Variants in KCND2 observed in about 807,000 individuals in gnomAD.
The protein encoded by KCND2 is A-type voltage-gated potassium channel KCND2.
A neutral mutation model predicts 54.4 loss-of-function variants in KCND2; 16 were observed. The observed-to-expected ratio is 0.29, with a 90% confidence interval of 0.20 to 0.45. The LOEUF (loss-of-function observed/expected upper bound fraction) is 0.45. Ranked by LOEUF, KCND2 falls within the 20% of genes least tolerant of loss-of-function variation. The pLI is 1.00. For missense variants in KCND2, 486 were observed against 824.2 expected (o/e 0.59, Z 5.02); for synonymous variants, 317 against 310.7 (o/e 1.02, Z -0.21).
At chr7:120,306,143 TCTTAC>T (rs762662933) in intron 1 of KCND2, among the ~76,000 whole-genome samples, 31 of 152,146 alleles carry the variant, frequency 2.0e-4, no homozygotes, top group Non-Finnish European at 3.7e-4. Flanking sequence ...ATTTTGTGTC[TCTTAC>T]CTTATCATCA....
chr7:120,623,622 G>A (rs1461304946), intron 1 of KCND2, among the ~76,000 whole-genome samples: 1 of 152,048 alleles, frequency 6.6e-6, no homozygotes, highest in Non-Finnish European at 1.5e-5. Context: ...AAGTTCTATA[G>A]CACTTAGCAC....
chr7:120,274,692 G>A lies in KCND2; in HGVS notation c.60G>A (p.Met20Ile), dbSNP rs746329293. 1.4e-5 allele frequency: 22 copies of A among 1,613,968 alleles called. No individual in the cohort carries two copies. Among genetic ancestry groups the A allele is most frequent in the South Asian group, 5.5e-5 (5 of 91,086 alleles). Residue 20 changes from methionine to isoleucine, a missense_variant, in exon 1 of 6, where the codon ATG becomes ATA. Physicochemically the swap from Met to Ile is conservative, Grantham distance 10 (BLOSUM62 1). Around this residue, in one of 7 missense-constraint regions of KCND2, gnomAD observed 231 missense variants for 386.0 expected, o/e 0.60. Coordinates refer to ENST00000331113, the MANE Select transcript of KCND2 (RefSeq NM_012281.3). Reference sequence around the variant, plus strand: ...CAAGGGCAGCGGCTATCGGGTGGATGCCTGTGGCCTCGGGGCCTATGCCGG... The same window carrying A: ...CAAGGGCAGCGGCTATCGGGTGGATACCTGTGGCCTCGGGGCCTATGCCGG... ...PFARAAAIGW[M>I]PVASGPMPAP...
At chr7:120,324,609 T>C (rs1425603683) in intron 1 of KCND2, among the ~76,000 whole-genome samples, 5 of 149,568 alleles carry the variant, frequency 3.3e-5, no homozygotes, top group Admixed American at 1.3e-4. Context: ...CAGATAGTTG[T>C]AGATAAGCGG....
intron 1 of KCND2, among the ~76,000 whole-genome samples, chr7:120,589,045 G>A (rs1239483926): frequency 6.6e-6 from 1 of 152,128 alleles, no homozygotes; most frequent in Non-Finnish European, 1.5e-5. Flanking sequence ...ATTTTTCTGA[G>A]GACACAGGTC....
At chr7:120,422,350 T>G (rs919165113) in intron 1 of KCND2, among the ~76,000 whole-genome samples, 1 of 152,168 alleles carries the variant, frequency 6.6e-6, no homozygotes, top group African/African-American at 2.4e-5. Context: ...TTGAGCTGTT[T>G]TTTCCTTTTC....
At chr7:120,740,074 A>G (rs926797299) in intron 2 of KCND2, among the ~76,000 whole-genome samples, 10 of 152,090 alleles carry the variant, frequency 6.6e-5, no homozygotes, top group Non-Finnish European at 1.3e-4. Context: ...TAATTAAAAA[A>G]CACAACTAAA....
In KCND2 at chr7:120,437,749, T is replaced by C. The variant is rs561875553; in HGVS notation, c.1115+162002T>C. Among the ~76,000 whole-genome samples the C allele has an allele frequency of 5.3e-5, 8 of 152,368 alleles. No homozygotes were observed. The East Asian group carries it at 1.2e-3, about 22-fold the overall frequency. ...CTGACTGATATAGAATATATGTTTCTAGATTTGAAACTTGTTCTTGTAGTA... is the reference window on the plus strand; with the variant it reads ...CTGACTGATATAGAATATATGTTTCCAGATTTGAAACTTGTTCTTGTAGTA... On this transcript the variant is annotated intron_variant, in intron 1 of 5. Transcript: ENST00000331113.
At chr7:120,526,891 T>C (rs897265671) in intron 1 of KCND2, among the ~76,000 whole-genome samples, 6 of 152,136 alleles carry the variant, frequency 3.9e-5, no homozygotes, top group African/African-American at 1.4e-4. Flanking sequence ...TAAATAACTA[T>C]CTGGAATCCA....
At position 120,367,660 on chromosome 7, in the gene KCND2, G is replaced by A. The variant is rs117603755; in HGVS notation, c.1115+91913G>A. ...CTTTTTCTTTTTTTTTTTAATGAAG[G>A]AGGGATTTATTGCAAAATTTTAGAA... is the stretch of plus-strand genomic sequence containing the variant. On this transcript the variant is annotated intron_variant, in intron 1 of 5. Transcript: ENST00000331113. Among the ~76,000 whole-genome samples the A allele has an allele frequency of 2.0e-3, 299 of 150,670 alleles. 1 individual carries two copies. Among genetic ancestry groups the A allele is most frequent in the Middle Eastern group, 0.01 (3 of 292 alleles).
intron 1 of KCND2, among the ~76,000 whole-genome samples, chr7:120,416,630 A>C (rs1435214302): frequency 6.6e-6 from 1 of 152,180 alleles, no homozygotes; most frequent in African/African-American, 2.4e-5. Flanking sequence ...ACAACCAGAG[A>C]AGACAGCCAC....
At chr7:120,737,035 TACACACACAC>T (rs768582158) in intron 2 of KCND2, among the ~76,000 whole-genome samples, 212 of 98,764 alleles carry the variant, frequency 2.1e-3, no homozygotes, top group East Asian at 5.5e-3. Context: ...CTGGAAAGCT[TACACACACAC>T]ACACACACAC....
chr7:120,613,997 G>A (rs1356008420), intron 1 of KCND2, among the ~76,000 whole-genome samples: 1 of 151,528 alleles, frequency 6.6e-6, no homozygotes, highest in African/African-American at 2.4e-5. Flanking sequence ...CTCTAACAAA[G>A]CATTTTAATC....
At chr7:120,492,913 T>A (rs1802803992) in intron 1 of KCND2, among the ~76,000 whole-genome samples, 1 of 152,086 alleles carries the variant, frequency 6.6e-6, no homozygotes, top group African/African-American at 2.4e-5. Context: ...AGAATGGTTG[T>A]ATGAATACTT....
chr7:120,399,052 C>G (rs971934176), intron 1 of KCND2, among the ~76,000 whole-genome samples: 2 of 151,962 alleles, frequency 1.3e-5, no homozygotes, highest in Non-Finnish European at 2.9e-5. Flanking sequence ...CCTCTTAACA[C>G]CCACTTTACA....
intron 1 of KCND2, among the ~76,000 whole-genome samples, chr7:120,357,903 T>C (rs1327736977): frequency 6.6e-6 from 1 of 152,138 alleles, no homozygotes; most frequent in Admixed American, 6.6e-5. Context: ...GACCTATCTC[T>C]CAATACAGCC....
intron 1 of KCND2, among the ~76,000 whole-genome samples, chr7:120,550,279 G>C (rs530801501): frequency 8.5e-5 from 13 of 152,156 alleles, no homozygotes; most frequent in African/African-American, 3.1e-4. Flanking sequence ...GAGGCATGCA[G>C]TGAATAGAAT....
At chr7:120,446,484 T>C (rs1437059721) in intron 1 of KCND2, among the ~76,000 whole-genome samples, 1 of 152,114 alleles carries the variant, frequency 6.6e-6, no homozygotes, top group Non-Finnish European at 1.5e-5. Context: ...TGTTTCAGTG[T>C]TGGAGTGTAA....
chr7:120,431,625 G>T (rs1801789394), intron 1 of KCND2, among the ~76,000 whole-genome samples: 1 of 152,144 alleles, frequency 6.6e-6, no homozygotes. Context: ...TTGGAGAAAG[G>T]AATGCTTCTT....
chr7:120,423,448 A>G (rs1382258908), intron 1 of KCND2, among the ~76,000 whole-genome samples: 1 of 152,220 alleles, frequency 6.6e-6, no homozygotes, highest in Admixed American at 6.5e-5. Flanking sequence ...TCAGAAATTA[A>G]TTGTCACTCC....
Sources: allele counts gnomAD v4.1 joint callset (sites outside exome capture counted in the v4.1 genomes callset), GRCh38; gene constraint gnomAD v4.1.1; regional missense constraint gnomAD v4.1.1; transcripts MANE v1.5; gene names NCBI Gene and HGNC (gene_info 2026-07-23, HGNC 2026-07-21).